The following FANCI variants were observed in gnomAD, a reference collection of about 807,000 sequenced individuals.
FANCI encodes the protein FA complementation group I.
Under a neutral mutation model 176.1 loss-of-function variants are expected in FANCI, and 156 were observed. The observed-to-expected ratio is 0.89, with a 90% CI of 0.78 to 1.01. FANCI has a LOEUF of 1.01. FANCI is among the 50% of genes least tolerant of loss of function. The pLI, the probability that FANCI is intolerant of heterozygous loss-of-function variation, is 0.00. For missense variants in FANCI, 1,678 were observed against 1,534.1 expected, an observed-to-expected ratio of 1.09 and a Z score of -1.57; for synonymous variants, 613 against 541.7, an observed-to-expected ratio of 1.13 and a Z score of -1.83.
intron 24 of FANCI, among the ~76,000 whole-genome samples, chr15:89,297,136 C>T (rs1439504585): frequency 7.3e-5 from 11 of 150,050 alleles, no homozygotes; most frequent in African/African-American, 1.5e-4. Flanking sequence ...GGCTGCCGGG[C>T]GGCAGGGCTC....
intron 24 of FANCI, among the ~76,000 whole-genome samples, chr15:89,297,458 C>A (rs1350156252): frequency 6.6e-6 from 1 of 152,116 alleles, no homozygotes; most frequent in Non-Finnish European, 1.5e-5. Context: ...CACTGCACTC[C>A]AGCCTGGGCA....
chr15:89,281,631 G>A, intron 15 of FANCI, 134 bp from the exon 16 acceptor site: 1 of 880,574 alleles, frequency 1.1e-6, no homozygotes, highest in East Asian at 2.5e-5. Context: ...CTTGTTAACT[G>A]TAATAAACAT....
intron 27 of FANCI, among the ~76,000 whole-genome samples, chr15:89,302,150 GA>G (rs2054545708): frequency 1.3e-5 from 2 of 152,294 alleles, no homozygotes; most frequent in African/African-American, 4.8e-5. Context: ...CTGGGCTTGA[GA>G]AAGACAATGA....
rs776495418 is a variant in FANCI at position 89,312,934 on chromosome 15, G to A, written c.3682G>A (p.Glu1228Lys). 1.2e-6 allele frequency: 2 copies of A among 1,613,918 alleles called. No homozygotes were observed. Among genetic ancestry groups the A allele is most frequent in the South Asian group, 1.1e-5 (1 of 91,070 alleles). The change falls in exon 35 of 38, where the codon GAG becomes AAG. Residue 1228 changes from glutamate (E) to lysine (K), a missense_variant. Physicochemically the swap from Glu to Lys is moderately conservative, Grantham distance 56 (BLOSUM62 1). This residue lies in a region of FANCI where 1,204 missense variants were observed against 1,077.4 expected (regional missense o/e 1.12). Coordinates refer to ENST00000310775, the MANE Select transcript of FANCI (RefSeq NM_001113378.2). ...GAGTAAGAGCCTGAACTATACGGGA[G>A]AGAAAAAGGAGAAACCTGCTGCCGT... ...NKSKSLNYTGEKKEKPAAVAT... is the reference protein window; with the variant it reads ...NKSKSLNYTGKKKEKPAAVAT...
intron 2 of FANCI, among the ~76,000 whole-genome samples, chr15:89,248,271 C>A (rs1188973159): frequency 2.0e-5 from 3 of 152,172 alleles, no homozygotes; most frequent in Non-Finnish European, 2.9e-5. Context: ...AGCTGATATA[C>A]TGCTCCTTTT....
chr15:89,308,694 C>T (rs2054826623), intron 34 of FANCI, among the ~76,000 whole-genome samples: 1 of 152,184 alleles, frequency 6.6e-6, no homozygotes, highest in Non-Finnish European at 1.5e-5. Context: ...CCTGTAATTG[C>T]AGCACTTTGG....
chr15:89,254,691 C>T (rs2052418115), intron 2 of FANCI, among the ~76,000 whole-genome samples: 1 of 152,102 alleles, frequency 6.6e-6, no homozygotes, highest in South Asian at 2.1e-4. Flanking sequence ...CGCTTGTATT[C>T]CTAGCTAACT....
In FANCI at chr15:89,264,519, C is replaced by T. The variant is rs1403464197; in HGVS notation, c.670-3C>T. ...GACCTTACCAATTTTGTATTGTTTT[C>T]AGGGAAGCAGAAAGAGTGTTTTGGA... On this transcript the variant is annotated splice_region_variant and splice_polypyrimidine_tract_variant and intron_variant, in intron 8 of 37. Coordinates refer to ENST00000310775, the MANE Select transcript of FANCI (RefSeq NM_001113378.2). 2.5e-6 allele frequency: 4 copies of T among 1,613,244 alleles called. No individual in the cohort carries two copies. The highest frequency in any genetic ancestry group is 1.7e-6 in the Non-Finnish European group (2 of 1,179,460).
chr15:89,305,463 C>T, intron 30 of FANCI, 54 bp downstream of exon 30: 1 of 1,611,486 alleles, frequency 6.2e-7, no homozygotes, highest in Non-Finnish European at 8.5e-7. Context: ...TTCCATTCTA[C>T]TCCATGTGAA....
At chr15:89,293,723 T>TA in intron 22 of FANCI, 110 bp from the exon 23 acceptor site, 1 of 1,056,100 alleles carries the variant, frequency 9.5e-7, no homozygotes, top group Non-Finnish European at 1.4e-6. Context: ...TTTATAATGT[T>TA]ACGTCTAAAA....
chr15:89,305,466 C>G, intron 30 of FANCI, 57 bp downstream of exon 30: 1 of 1,611,218 alleles, frequency 6.2e-7, no homozygotes, highest in African/African-American at 1.3e-5. Flanking sequence ...CATTCTACTC[C>G]ATGTGAAGTG....
chr15:89,313,050 A>G, intron 35 of FANCI, 78 bp downstream of exon 35: 1 of 1,316,712 alleles, frequency 7.6e-7, no homozygotes, highest in Non-Finnish European at 1.1e-6. Context: ...CCAGTGACAA[A>G]AAGACCACGT....
rs761993713 is a variant in FANCI, at chr15:89,291,631, C to G, written c.1909C>G (p.Pro637Ala). The stretch of plus-strand genomic sequence containing the variant: ...TACACAGTTAAAACAGTTCTATGAG[C>G]CAAAACCTGATCTGCTGCCTCCTCT... ...LLSQLKQFYE[P>A]KPDLLPPLKL... Residue 637 changes from proline to alanine, a missense_variant, in exon 20 of 38, where the codon CCA becomes GCA. Pro to Ala is a conservative substitution (Grantham distance 27). Transcript: ENST00000310775. The G allele has an allele frequency of 1.9e-6, 3 of 1,613,604 alleles. No homozygotes were observed. Among genetic ancestry groups the G allele is most frequent in the Non-Finnish European group, 8.5e-7 (1 of 1,179,756 alleles).
At chr15:89,256,476 G>A (rs986357567) in intron 2 of FANCI, among the ~76,000 whole-genome samples, 2 of 152,208 alleles carry the variant, frequency 1.3e-5, no homozygotes, top group African/African-American at 4.8e-5. Context: ...TTGTGGAAGA[G>A]AGAGTTTATT....
In FANCI at chr15:89,260,752, G is replaced by A. The variant is rs779515039; in HGVS notation, c.197G>A (p.Arg66His). The change falls in exon 4 of 38, where the codon CGT (arginine) becomes CAT (histidine). Residue 66 changes from arginine to histidine, a missense_variant. By Grantham distance (29) the Arg-to-His change is conservative (BLOSUM62 0). This residue lies in a region of FANCI where 469 missense variants were observed against 436.9 expected (regional missense o/e 1.07). Coordinates refer to ENST00000310775, the MANE Select transcript of FANCI (RefSeq NM_001113378.2). Reference protein sequence around the residue: ...CSEEAGTLRRRKIYTCCIQLV... With the variant: ...CSEEAGTLRRHKIYTCCIQLV... ...GAGGAAGCTGGAACACTTAGGAGAC[G>A]TAAGATATACACTTGTTGTATCCAG... 21 of 1,613,884 alleles carry A rather than the reference G, an allele frequency of 1.3e-5. No individual in the cohort carries two copies. The highest frequency in any genetic ancestry group is 3.3e-5 in the South Asian group (3 of 91,084).
intron 1 of FANCI, among the ~76,000 whole-genome samples, chr15:89,244,643 C>T (rs1054636406): frequency 1.3e-5 from 2 of 152,234 alleles, no homozygotes; most frequent in African/African-American, 2.4e-5. Flanking sequence ...TCTGGCTGGA[C>T]ACCTTTTTAG....
intron 13 of FANCI, among the ~76,000 whole-genome samples, 184 bp from the exon 14 acceptor site, chr15:89,278,503 A>G (rs1437971592): frequency 6.6e-6 from 1 of 152,218 alleles, no homozygotes; most frequent in Admixed American, 6.5e-5. Flanking sequence ...CTACTAATGA[A>G]TCATCTAAGC....
intron 29 of FANCI, 30 bp downstream of exon 29, chr15:89,305,272 C>T (rs1451777054): frequency 1.2e-6 from 2 of 1,614,050 alleles, no homozygotes; most frequent in Non-Finnish European, 1.7e-6. Flanking sequence ...GTACAATACC[C>T]TGTGTGGGGA....
At chr15:89,307,783 A>T (rs886624582) in intron 34 of FANCI, 111 bp downstream of exon 34, 1 of 1,579,698 alleles carries the variant, frequency 6.3e-7, no homozygotes, top group Admixed American at 1.8e-5. Context: ...TTCCCTGCTT[A>T]CCACAAGCTG....
Sources: allele counts gnomAD v4.1 joint callset (sites outside exome capture counted in the v4.1 genomes callset), GRCh38; gene constraint gnomAD v4.1.1; regional missense constraint gnomAD v4.1.1; transcripts MANE v1.5; gene names NCBI Gene and HGNC (gene_info 2026-07-23, HGNC 2026-07-21).